Variants in ENPP2 observed in about 807,000 individuals in gnomAD.
The protein encoded by ENPP2 is ectonucleotide pyrophosphatase/phosphodiesterase 2, also known as autotaxin.
Under a neutral mutation model 120.2 loss-of-function variants are expected in ENPP2, and 51 were observed. That is an observed-to-expected ratio of 0.42 (90% confidence interval 0.34 to 0.54). ENPP2 has a LOEUF of 0.54. ENPP2 is among the 20% of genes least tolerant of loss of function. ENPP2 has a pLI of 0.04. For synonymous variants in ENPP2, 365 were observed against 366.4 expected (o/e 1.00, Z 0.04); for missense variants, 920 against 1,066.5 (o/e 0.86, Z 1.91).
chr8:119,669,567 G>T (rs1818179728), intron 1 of ENPP2, among the ~76,000 whole-genome samples: 1 of 152,158 alleles, frequency 6.6e-6, no homozygotes, highest in Admixed American at 6.5e-5. Context: ...ACTTATGCTG[G>T]CTCCACTATT....
At chr8:119,635,360 A>T (rs1050890611) in intron 2 of ENPP2, among the ~76,000 whole-genome samples, 4 of 152,386 alleles carry the variant, frequency 2.6e-5, no homozygotes, top group South Asian at 2.1e-4. Context: ...TCACAAGCTC[A>T]CAAATTTCCT....
intron 2 of ENPP2, among the ~76,000 whole-genome samples, chr8:119,635,881 G>A (rs1816970343): frequency 6.6e-6 from 1 of 152,178 alleles, no homozygotes; most frequent in Non-Finnish European, 1.5e-5. Context: ...TAACACCCCA[G>A]TCCATAGTAC....
chr8:119,577,279 G>C (rs539997664), intron 19 of ENPP2, among the ~76,000 whole-genome samples: 1 of 152,298 alleles, frequency 6.6e-6, no homozygotes, highest in Non-Finnish European at 1.5e-5. Flanking sequence ...GTATTCAAAG[G>C]TACCTAGAAA....
At position 119,562,967 on chromosome 8, in the gene ENPP2, T is replaced by C. The variant is rs1191018766; in HGVS notation, c.2311A>G (p.Ile771Val). 8 of 1,613,888 alleles carry C rather than the reference T, an allele frequency of 5.0e-6. No homozygotes were observed. The highest frequency in any genetic ancestry group is 5.9e-6 in the Non-Finnish European group (7 of 1,179,904). The part of the protein sequence containing the change: ...SIPVPTHYYS[I>V]ITSCLDFTQP... ...GTGAAATCCAGACAGCTGGTGATGA[T>C]GCTGTAGTAGTGAGTTGGAACAGGA... The change falls in exon 24 of 25, where the codon ATC (isoleucine) becomes GTC (valine). Residue 771 changes from isoleucine (I) to valine (V), a missense_variant. Transcript: ENST00000075322.
At chr8:119,605,051 G>T (rs1438708421) in intron 9 of ENPP2, among the ~76,000 whole-genome samples, 1 of 152,082 alleles carries the variant, frequency 6.6e-6, no homozygotes, top group Non-Finnish European at 1.5e-5. Context: ...GGGATTACAG[G>T]CTTGAGCCAC....
chr8:119,610,606 TA>T (rs781524667), intron 8 of ENPP2, among the ~76,000 whole-genome samples: 140 of 147,472 alleles, frequency 9.5e-4, no homozygotes, highest in African/African-American at 2.7e-3. Context: ...GAGGGTAGTT[TA>T]AAAAAAAAAA....
chr8:119,671,504 G>A (rs534525521), intron 1 of ENPP2, among the ~76,000 whole-genome samples: 4 of 152,140 alleles, frequency 2.6e-5, no homozygotes, highest in African/African-American at 9.7e-5. Context: ...GATCAGACAG[G>A]GTTTGGTGAT....
At chr8:119,630,693 A>T (rs1425944189) in intron 2 of ENPP2, among the ~76,000 whole-genome samples, 1 of 152,164 alleles carries the variant, frequency 6.6e-6, no homozygotes, top group East Asian at 1.9e-4. Context: ...TGTACTTAAG[A>T]TCAAGTTATT....
chr8:119,647,859 G>T (rs1275652406), intron 1 of ENPP2, among the ~76,000 whole-genome samples: 2 of 152,092 alleles, frequency 1.3e-5, no homozygotes, highest in African/African-American at 4.8e-5. Context: ...ACAAAAATTA[G>T]CTGGGCATGG....
At chr8:119,626,487 C>A (rs554334036) in intron 3 of ENPP2, 78 bp downstream of exon 3, 1 of 1,170,322 alleles carries the variant, frequency 8.5e-7, no homozygotes, top group African/African-American at 1.7e-5. Flanking sequence ...AGCAGGGTGG[C>A]CACTCCAGGA....
chr8:119,620,039 A>G (rs772464154), intron 4 of ENPP2, among the ~76,000 whole-genome samples: 1 of 152,230 alleles, frequency 6.6e-6, no homozygotes, highest in Non-Finnish European at 1.5e-5. Context: ...AATTGCTCCC[A>G]TGTAAAGAGA....
intron 1 of ENPP2, among the ~76,000 whole-genome samples, chr8:119,672,541 G>C (rs932175892): frequency 6.6e-6 from 1 of 152,174 alleles, no homozygotes; most frequent in African/African-American, 2.4e-5. Flanking sequence ...TTCGCCCTTG[G>C]AGATTTCCAA....
chr8:119,583,388 A>G (rs573184871), intron 17 of ENPP2, among the ~76,000 whole-genome samples: 10 of 152,326 alleles, frequency 6.6e-5, no homozygotes, highest in African/African-American at 2.4e-4. Context: ...AATGCAAGAG[A>G]TGGAGGTGGA....
intron 22 of ENPP2, 142 bp downstream of exon 22, chr8:119,568,033 A>G: frequency 1.7e-6 from 1 of 580,970 alleles, no homozygotes; most frequent in Non-Finnish European, 3.1e-6. Flanking sequence ...GAAAGTTTAC[A>G]TGAAAGATCC....
Position 119,595,765 on chromosome 8 carries a change from C to T in ENPP2, c.973-1905G>A, listed in dbSNP as rs946586552. 11 of 1,404,714 alleles carry T rather than the reference C, an allele frequency of 7.8e-6. No individual in the cohort carries two copies. The Admixed American group carries it at 9.4e-5, about 12-fold the overall frequency. The allele number at this position is 1,404,714 out of a possible 1,614,324, so 87.0% of individuals were successfully genotyped here. A position where few individuals can be genotyped will look rare whatever the true frequency, so the allele number is the denominator to read the frequency against. ...AGAGTTTTTCTAAAACTTGCTCAGC[C>T]GATTTTCCAACCAAGGCACTGAAGG... On this transcript the variant is annotated intron_variant, in intron 11 of 24. Transcript: ENST00000075322.
At position 119,668,205 on chromosome 8, in the gene ENPP2, G is replaced by C. The variant is rs1440323102; in HGVS notation, c.21+5047C>G. Among the ~76,000 whole-genome samples, 3 of 152,088 alleles carry C rather than the reference G, an allele frequency of 2.0e-5. No homozygotes were observed. In the East Asian group the frequency reaches 5.8e-4, roughly 29 times the overall value. ...CTCTGCTCCTTTGTAAATACCGTGA[G>C]ATCAGGTCTTCTTCAGCACTGTTGT... On this transcript the variant is annotated intron_variant, in intron 1 of 25. Coordinates refer to the ENPP2 transcript ENST00000427067.
At chr8:119,608,285 T>C (rs1300184941) in intron 8 of ENPP2, among the ~76,000 whole-genome samples, 1 of 152,210 alleles carries the variant, frequency 6.6e-6, no homozygotes, top group African/African-American at 2.4e-5. Context: ...ATCATTGTTT[T>C]GAACAATTAA....
chr8:119,566,985 C>T (rs1056819714), intron 22 of ENPP2, among the ~76,000 whole-genome samples: 6 of 152,064 alleles, frequency 3.9e-5, no homozygotes, highest in Non-Finnish European at 2.9e-5. Context: ...TTCTCTAAAC[C>T]GTGTGGCCCT....
chr8:119,644,612 A>T (rs1283460181), intron 1 of ENPP2, among the ~76,000 whole-genome samples: 1 of 104,006 alleles, frequency 9.6e-6, no homozygotes, highest in Non-Finnish European at 1.9e-5. Flanking sequence ...ATATATATAT[A>T]TATATATATA....
Sources: gnomAD v4.1 joint callset for allele counts (sites outside exome capture counted in the v4.1 genomes callset) on GRCh38, gnomAD v4.1.1 for gene constraint, MANE v1.5 for transcripts, NCBI Gene and HGNC (gene_info 2026-07-23, HGNC 2026-07-21) for gene names.